ASAP3: variants seen among roughly 807,000 people sequenced by gnomAD.
ASAP3 encodes ArfGAP with SH3 domain, ankyrin repeat and PH domain 3.
ASAP3 carries 85 observed loss-of-function variants against 118.2 expected under a neutral mutation model. The ratio of observed to expected loss-of-function variants is 0.72; its 90% CI spans 0.60 to 0.86. The LOEUF (loss-of-function observed/expected upper bound fraction) is 0.86. Ranked by LOEUF, ASAP3 falls within the 40% of genes least tolerant of loss-of-function variation. The probability of loss-of-function intolerance (pLI) is 0.00; values close to 1 mark genes in which losing one functional copy is unlikely to be tolerated. For missense variants in ASAP3, 1,026 were observed against 1,175.0 expected, an observed-to-expected ratio of 0.87 and a Z score of 1.85; for synonymous variants, 432 against 477.4, an observed-to-expected ratio of 0.90 and a Z score of 1.24.
rs564658985 is a variant in ASAP3 at position 23,441,543 on chromosome 1, G to A, written c.748-70C>T. 364 of 1,601,580 alleles carry A rather than the reference G, an allele frequency of 2.3e-4. 2 individuals are homozygous for A. Among genetic ancestry groups the A allele is most frequent in the African/African-American group, 6.8e-4 (51 of 74,802 alleles). ...TCAGGCACAGAGCCCAGACCCAGAA[G>A]AGCAGAGCAGTAGCCTCACTCTGTG... On this transcript the variant is annotated intron_variant, in intron 8 of 24. Coordinates refer to ENST00000336689, the MANE Select transcript of ASAP3 (RefSeq NM_017707.4).
intron 1 of ASAP3, among the ~76,000 whole-genome samples, chr1:23,469,079 T>C (rs1003204156): frequency 6.6e-6 from 1 of 151,504 alleles, no homozygotes; most frequent in Non-Finnish European, 1.5e-5. Context: ...CCCAAGTGGG[T>C]GGATTGCTTG....
chr1:23,464,170 G>A (rs528205012), intron 1 of ASAP3, among the ~76,000 whole-genome samples: 5 of 147,356 alleles, frequency 3.4e-5, no homozygotes, highest in East Asian at 2.0e-4. Flanking sequence ...CCCCCACCCC[G>A]ATCTATACCA....
intron 5 of ASAP3, among the ~76,000 whole-genome samples, chr1:23,449,460 A>C (rs1641147208): frequency 6.6e-6 from 1 of 152,158 alleles, no homozygotes; most frequent in Non-Finnish European, 1.5e-5. Context: ...CCAGGGGTGA[A>C]GCTCCCAGTG....
At position 23,450,564 on chromosome 1, in the gene ASAP3, CT is replaced by C. The variant is rs112922235; in HGVS notation, c.473+914del. On this transcript the variant is annotated intron_variant, in intron 5 of 24. Transcript: ENST00000336689. The stretch of plus-strand genomic sequence containing the variant: ...TTTGGGTAGTTTCTCCCCATCCAAC[CT>C]TTTTTTTTTAATGATGAAAACTGCA... 1.6e-3 allele frequency among the ~76,000 whole-genome samples: 226 copies of C among 142,112 alleles called. No individual in the cohort carries two copies. The Middle Eastern group carries it at 0.028, about 18-fold the overall frequency. 93.2% of individuals were successfully genotyped at this position (142,112 alleles called of 152,430 possible).
intron 1 of ASAP3, among the ~76,000 whole-genome samples, chr1:23,481,806 T>C (rs928273090): frequency 2.0e-5 from 3 of 152,224 alleles, no homozygotes; most frequent in Admixed American, 2.0e-4. Flanking sequence ...AAGGTTCATA[T>C]TGGAGCCCCT....
intron 18 of ASAP3, 66 bp from the exon 19 acceptor site, chr1:23,434,435 G>A (rs376838593): frequency 8.1e-6 from 13 of 1,603,030 alleles, no homozygotes; most frequent in African/African-American, 6.7e-5. Flanking sequence ...AAAGTCAGGG[G>A]AAAAAGTGGG....
Position 23,436,010 on chromosome 1 carries a change from G to A in ASAP3, c.1590C>T (p.Tyr530=). ...TATGCTCCACATACTTGGCCATAAT[G>A]TAGTCCCTGCGGGTGCCCCTACCAA... ...AESDMGTRRD[Y]IMAKYVEHRF... Residue 530 remains tyrosine, a synonymous_variant, in exon 17 of 25, where the codon TAC becomes TAT. Coordinates refer to ENST00000336689, the MANE Select transcript of ASAP3 (RefSeq NM_017707.4). The surrounding 1 kb of genome is among the most constrained non-coding windows in gnomAD (Gnocchi z 4.2). The A allele has an allele frequency of 6.2e-7, 1 of 1,614,168 alleles. No individual in the cohort carries two copies. The highest frequency in any genetic ancestry group is 2.2e-5 in the East Asian group (1 of 44,890).
intron 22 of ASAP3, 52 bp from the exon 23 acceptor site, chr1:23,431,970 G>A (rs767718443): frequency 4.6e-6 from 7 of 1,514,104 alleles, no homozygotes; most frequent in African/African-American, 1.4e-5. Context: ...CACTTGCTCT[G>A]TGCCCAACCT....
At chr1:23,478,418 T>G (rs1179548602) in intron 1 of ASAP3, among the ~76,000 whole-genome samples, 6 of 151,884 alleles carry the variant, frequency 4.0e-5, no homozygotes, top group Non-Finnish European at 5.9e-5. Context: ...TGAGCCCAGA[T>G]CGTGCCGTTG....
chr1:23,433,779 T>C, intron 19 of ASAP3, 86 bp from the exon 20 acceptor site: 5 of 1,553,524 alleles, frequency 3.2e-6, no homozygotes, highest in Non-Finnish European at 4.4e-6. Context: ...GGAATCAGAA[T>C]GTATGGGTTT....
At chr1:23,432,643 T>C (rs768736036) in intron 22 of ASAP3, among the ~76,000 whole-genome samples, 1 of 152,244 alleles carries the variant, frequency 6.6e-6, no homozygotes, top group Non-Finnish European at 1.5e-5. Flanking sequence ...GGACAAATAG[T>C]ATTCAATGAA....
At chr1:23,468,666 T>C (rs1352909184) in intron 1 of ASAP3, among the ~76,000 whole-genome samples, 1 of 51,630 alleles carries the variant, frequency 1.9e-5, no homozygotes, top group Admixed American at 2.4e-4. Context: ...AGGTCAGGAG[T>C]TTGAGACCAT....
At position 23,433,094 on chromosome 1, in the gene ASAP3, G is replaced by A. The variant is rs1640498671; in HGVS notation, c.2306C>T (p.Ala769Val). 1 of 1,614,000 alleles carries A rather than the reference G, an allele frequency of 6.2e-7. No individual in the cohort carries two copies. The highest frequency in any genetic ancestry group is 8.5e-7 in the Non-Finnish European group (1 of 1,179,974). ...AACTGTACCTCCACTGGCATGTCTT[G>A]CACACCCTTGGACCAAAGTCCGAGA... The part of the protein sequence containing the change: ...NSSRTLVQGC[A>V]RHASGDRSEV... The change falls in exon 22 of 25, where the codon GCA (alanine) becomes GTA (valine). Residue 769 changes from alanine to valine, a missense_variant. Coordinates refer to ENST00000336689, the MANE Select transcript of ASAP3 (RefSeq NM_017707.4).
chr1:23,451,265 T>A (rs1442568853), intron 5 of ASAP3, among the ~76,000 whole-genome samples: 1 of 152,150 alleles, frequency 6.6e-6, no homozygotes, highest in Non-Finnish European at 1.5e-5. Flanking sequence ...GAGAGCAGCA[T>A]CCTGAGGTCC....
rs765114680 is a variant in ASAP3, at chr1:23,434,336, G to C, written c.1869C>G (p.Asn623Lys). Residue 623 changes from asparagine (N) to lysine (K), a missense_variant, in exon 19 of 25, where the codon AAC becomes AAG. By Grantham distance (94) the Asn-to-Lys change is moderately conservative. Coordinates refer to ENST00000336689, the MANE Select transcript of ASAP3 (RefSeq NM_017707.4). ...GHLDAKAADG[N>K]TALHYAALYN... ...AGAGTGCTGCGTAGTGCAGAGCCGT[G>C]TTCCCGTCAGCAGCCTTGGCATCCA... The C allele has an allele frequency of 1.2e-6, 2 of 1,614,230 alleles. No homozygotes were observed. The highest frequency in any genetic ancestry group is 8.5e-7 in the Non-Finnish European group (1 of 1,180,040).
intron 5 of ASAP3, among the ~76,000 whole-genome samples, chr1:23,450,564 C>CTT (rs112922235): frequency 4.9e-5 from 7 of 142,160 alleles, no homozygotes; most frequent in Non-Finnish European, 1.1e-4. Flanking sequence ...CCCATCCAAC[C>CTT]TTTTTTTTTT....
rs750735906 is a variant in ASAP3, at chr1:23,437,324, C to T, written c.1152-4G>A. The T allele has an allele frequency of 1.9e-6, 3 of 1,609,408 alleles. No homozygotes were observed. Among genetic ancestry groups the T allele is most frequent in the Non-Finnish European group, 1.7e-6 (2 of 1,177,264 alleles). ...GTTCTGCAACACTGACACCCACCTG[C>T]GGAGATTGAACGGGGTGGGATGGGG... On this transcript the variant is annotated splice_polypyrimidine_tract_variant and splice_region_variant and intron_variant, in intron 13 of 24. Coordinates refer to ENST00000336689, the MANE Select transcript of ASAP3 (RefSeq NM_017707.4). This position sits in a 1 kb window ranked among gnomAD's most constrained non-coding sequence, Gnocchi z 6.1.
intron 1 of ASAP3, among the ~76,000 whole-genome samples, chr1:23,477,770 G>C (rs549935743): frequency 1.3e-5 from 2 of 152,322 alleles, no homozygotes; most frequent in African/African-American, 4.8e-5. Context: ...CTAGCATGCA[G>C]TGGCACCATC....
rs1455990900 is a variant in ASAP3, at chr1:23,466,577, GACC to G, written c.130-10386_130-10384del. On this transcript the variant is annotated intron_variant, in intron 1 of 24. Coordinates refer to ENST00000336689, the MANE Select transcript of ASAP3 (RefSeq NM_017707.4). ...TGGTTTGTGTTCTCTGCAGGCAAAA[GACC>G]ACAGATGGCAGCACTAGGCCATGCC... Among the ~76,000 whole-genome samples the G allele has an allele frequency of 9.2e-5, 14 of 152,284 alleles. No homozygotes were observed. The South Asian group carries it at 2.9e-3, about 32-fold the overall frequency.
Sources: allele counts gnomAD v4.1 joint callset (sites outside exome capture counted in the v4.1 genomes callset), GRCh38; gene constraint gnomAD v4.1.1; non-coding constraint Gnocchi (gnomAD v3.1); transcripts MANE v1.5; gene names NCBI Gene and HGNC (gene_info 2026-07-23, HGNC 2026-07-21).